The following CHRM3 variants were observed in gnomAD, a reference collection of about 807,000 sequenced individuals.
CHRM3 encodes cholinergic receptor muscarinic 3.
CHRM3 carries 11 observed loss-of-function variants against 41.8 expected under a neutral mutation model. The ratio of observed to expected loss-of-function variants is 0.26; its 90% CI spans 0.17 to 0.44. The LOEUF is 0.44. CHRM3 is among the 20% of genes least tolerant of loss of function. The pLI is 1.00. For missense variants in CHRM3, 571 were observed against 745.4 expected (o/e 0.77, Z 2.72); for synonymous variants, 297 against 301.4 (o/e 0.99, Z 0.15).
intron 3 of CHRM3, among the ~76,000 whole-genome samples, chr1:239,558,237 G>C (rs1290828668): frequency 6.6e-6 from 1 of 152,134 alleles, no homozygotes; most frequent in African/African-American, 2.4e-5. Flanking sequence ...AATGATCAGT[G>C]ATGTGTTTTT....
chr1:239,489,931 G>A (rs1409953001), intron 1 of CHRM3, among the ~76,000 whole-genome samples: 1 of 152,182 alleles, frequency 6.6e-6, no homozygotes, highest in Non-Finnish European at 1.5e-5. Context: ...CCATGCAGTA[G>A]AGGGTAGTGC....
intron 6 of CHRM3, among the ~76,000 whole-genome samples, chr1:239,843,195 C>T (rs1030739566): frequency 6.6e-6 from 1 of 152,118 alleles, no homozygotes; most frequent in African/African-American, 2.4e-5. Flanking sequence ...ATTAATCCTC[C>T]TGCCTATATA....
intron 5 of CHRM3, among the ~76,000 whole-genome samples, chr1:239,738,010 A>G (rs545717472): frequency 5.4e-4 from 82 of 152,286 alleles, no homozygotes; most frequent in African/African-American, 1.9e-3. Context: ...AACAACAACA[A>G]CAACAACAAA....
intron 5 of CHRM3, among the ~76,000 whole-genome samples, chr1:239,786,354 G>C (rs1413693272): frequency 6.6e-6 from 1 of 151,998 alleles, no homozygotes; most frequent in Non-Finnish European, 1.5e-5. Context: ...TGTGTGCCAG[G>C]CACCATTCTA....
chr1:239,545,878 T>G (rs1572666982), intron 3 of CHRM3, 129 bp downstream of exon 3: 1 of 152,104 alleles, frequency 6.6e-6, no homozygotes, highest in Non-Finnish European at 1.5e-5. Context: ...TATGGCTAGA[T>G]CTAGTCTATT....
At chr1:239,423,782 G>A (rs1287963937) in intron 1 of CHRM3, among the ~76,000 whole-genome samples, 1 of 151,942 alleles carries the variant, frequency 6.6e-6, no homozygotes, top group East Asian at 1.9e-4. Flanking sequence ...AAAGAAGAAA[G>A]TCTTTGAAAA....
At chr1:239,868,893 T>C (rs1258595065) in intron 6 of CHRM3, among the ~76,000 whole-genome samples, 1 of 152,098 alleles carries the variant, frequency 6.6e-6, no homozygotes, top group African/African-American at 2.4e-5. Flanking sequence ...ATTGATAAAA[T>C]ATGGATAATA....
chr1:239,896,403 T>A (rs73114845), intron 6 of CHRM3, among the ~76,000 whole-genome samples: 1 of 152,212 alleles, frequency 6.6e-6, no homozygotes, highest in Non-Finnish European at 1.5e-5. Flanking sequence ...AAGAACCACA[T>A]CCCCAGTCTA....
chr1:239,858,916 C>T lies in CHRM3; in HGVS notation c.-20+31538C>T, dbSNP rs549350496. Among the ~76,000 whole-genome samples, 5 of 152,302 alleles carry T rather than the reference C, an allele frequency of 3.3e-5. No homozygotes were observed. The East Asian group carries it at 9.6e-4, about 29-fold the overall frequency. On this transcript the variant is annotated intron_variant, in intron 6 of 6. Coordinates refer to ENST00000676153, the MANE Select transcript of CHRM3 (RefSeq NM_001375978.1). ...GCAGAACGTTTTTGAGATCCATCCA[C>T]CTTGTACCACGTGTTCCATTTTATG...
intron 1 of CHRM3, among the ~76,000 whole-genome samples, chr1:239,427,107 A>G (rs540745229): frequency 6.6e-6 from 1 of 152,250 alleles, no homozygotes; most frequent in South Asian, 2.1e-4. Context: ...AATTGGAAAA[A>G]GATTGGGTGA....
At chr1:239,449,509 G>A (rs1315928976) in intron 1 of CHRM3, among the ~76,000 whole-genome samples, 2 of 152,106 alleles carry the variant, frequency 1.3e-5, no homozygotes, top group African/African-American at 4.8e-5. Flanking sequence ...GTACTATTTA[G>A]AAAATGATTT....
At chr1:239,825,959 A>C (rs1469348559) in intron 5 of CHRM3, among the ~76,000 whole-genome samples, 1 of 152,226 alleles carries the variant, frequency 6.6e-6, no homozygotes, top group East Asian at 1.9e-4. Context: ...CAGTCACAAA[A>C]TGACAAATAC....
Position 239,387,536 on chromosome 1 carries a change from G to C in CHRM3, c.-521+309G>C, listed in dbSNP as rs1480058638. Among the ~76,000 whole-genome samples, 5 of 151,988 alleles carry C rather than the reference G, an allele frequency of 3.3e-5. No homozygotes were observed. The highest frequency in any genetic ancestry group is 2.6e-4 in the Admixed American group (4 of 15,268). On this transcript the variant is annotated intron_variant, in intron 1 of 6. Coordinates refer to ENST00000676153, the MANE Select transcript of CHRM3 (RefSeq NM_001375978.1). This position sits in a 1 kb window ranked among gnomAD's most constrained non-coding sequence, Gnocchi z 5.1. The stretch of plus-strand genomic sequence containing the variant: ...GACGGGAATCATGCGAGCGGTGGCC[G>C]GGAGAGAGTCGGGGACGTCCCACCC...
At chr1:239,572,967 T>G (rs1661970815) in intron 3 of CHRM3, among the ~76,000 whole-genome samples, 1 of 152,210 alleles carries the variant, frequency 6.6e-6, no homozygotes, top group Admixed American at 6.5e-5. Context: ...TCTCTAAATG[T>G]TCTCACCTCA....
intron 5 of CHRM3, among the ~76,000 whole-genome samples, chr1:239,751,553 A>G (rs922778933): frequency 3.9e-5 from 6 of 152,164 alleles, no homozygotes; most frequent in Non-Finnish European, 8.8e-5. Context: ...TATTATTGGG[A>G]TGCTTTTTAT....
At chr1:239,735,478 A>C (rs571487308) in intron 5 of CHRM3, among the ~76,000 whole-genome samples, 3 of 152,270 alleles carry the variant, frequency 2.0e-5, no homozygotes, top group Non-Finnish European at 2.9e-5. Context: ...CAAATTTTAA[A>C]TCCTGAAATC....
intron 4 of CHRM3, among the ~76,000 whole-genome samples, chr1:239,650,110 A>G (rs1027983099): frequency 3.9e-5 from 6 of 152,144 alleles, no homozygotes; most frequent in African/African-American, 1.4e-4. Flanking sequence ...CCTGTGCAAG[A>G]GCCCAGGCTC....
intron 5 of CHRM3, among the ~76,000 whole-genome samples, chr1:239,820,319 AG>A (rs1313697652): frequency 6.6e-5 from 10 of 152,160 alleles, no homozygotes; most frequent in Non-Finnish European, 1.5e-4. Context: ...AATGATTTTT[AG>A]GGGAATTTAA....
At chr1:239,661,646 A>C (rs891167470) in intron 4 of CHRM3, among the ~76,000 whole-genome samples, 1 of 152,220 alleles carries the variant, frequency 6.6e-6, no homozygotes, top group Non-Finnish European at 1.5e-5. Context: ...ACTGGTTGCC[A>C]AGAGTTAGCG....
Sources: gnomAD v4.1 joint callset for allele counts (sites outside exome capture counted in the v4.1 genomes callset) on GRCh38, gnomAD v4.1.1 for gene constraint, Gnocchi (gnomAD v3.1) non-coding constraint, MANE v1.5 for transcripts, NCBI Gene and HGNC (gene_info 2026-07-23, HGNC 2026-07-21) for gene names.